EVI5: variants seen among roughly 807,000 people sequenced by gnomAD.
The protein encoded by EVI5 is ecotropic viral integration site 5.
Under a neutral mutation model 112.0 loss-of-function variants are expected in EVI5, and 73 were observed. That is an observed-to-expected ratio of 0.65 (90% CI 0.54 to 0.79). The LOEUF is 0.79. Ranked by LOEUF, EVI5 falls within the 30% of genes least tolerant of loss-of-function variation. The pLI, the probability that EVI5 is intolerant of heterozygous loss-of-function variation, is 0.00. For synonymous variants in EVI5, 305 were observed against 319.9 expected (o/e 0.95, Z 0.50); for missense variants, 900 against 968.8 (o/e 0.93, Z 0.94).
At chr1:92,621,853 T>C (rs768381475) in intron 16 of EVI5, among the ~76,000 whole-genome samples, 1 of 152,174 alleles carries the variant, frequency 6.6e-6, no homozygotes, top group Non-Finnish European at 1.5e-5. Context: ...CAGGGCACGG[T>C]GGCTCACGCC....
chr1:92,535,442 T>C (rs527864498), intron 19 of EVI5, among the ~76,000 whole-genome samples: 4 of 152,110 alleles, frequency 2.6e-5, no homozygotes, highest in Non-Finnish European at 5.9e-5. Context: ...CATTCTACTA[T>C]AAAGACACAT....
chr1:92,588,448 C>T (rs942588715), intron 18 of EVI5, among the ~76,000 whole-genome samples: 2 of 152,172 alleles, frequency 1.3e-5, no homozygotes, highest in Non-Finnish European at 2.9e-5. Flanking sequence ...ATCTTCATGC[C>T]TCATCTGATT....
At chr1:92,705,718 A>T (rs1570473708) in intron 2 of EVI5, among the ~76,000 whole-genome samples, 1 of 152,234 alleles carries the variant, frequency 6.6e-6, no homozygotes, top group African/African-American at 2.4e-5. Context: ...AAGGTGGAAA[A>T]CGTAGCTCTA....
intron 19 of EVI5, among the ~76,000 whole-genome samples, chr1:92,537,563 T>G (rs1004639019): frequency 9.9e-5 from 15 of 152,118 alleles, no homozygotes; most frequent in Non-Finnish European, 2.2e-4. Context: ...AAATCTAAAA[T>G]AAATGTAATG....
intron 19 of EVI5, among the ~76,000 whole-genome samples, chr1:92,524,372 ACTTCCATTTTCACAC>A (rs1169944909): frequency 6.6e-6 from 1 of 152,222 alleles, no homozygotes; most frequent in Non-Finnish European, 1.5e-5. Context: ...TTAATTTATC[ACTTCCATTTTCACAC>A]TGTCCACTGT....
At chr1:92,720,558 G>T (rs898452997) in intron 2 of EVI5, among the ~76,000 whole-genome samples, 14 of 151,918 alleles carry the variant, frequency 9.2e-5, no homozygotes, top group African/African-American at 3.4e-4. Flanking sequence ...TGTTAGACCT[G>T]AACCATAAAA....
At chr1:92,597,668 T>A (rs1210919685) in intron 18 of EVI5, among the ~76,000 whole-genome samples, 1 of 152,206 alleles carries the variant, frequency 6.6e-6, no homozygotes, top group Non-Finnish European at 1.5e-5. Flanking sequence ...ATGAATGAAT[T>A]ATTGTCAAAA....
At chr1:92,533,165 C>T (rs1663200031) in intron 19 of EVI5, among the ~76,000 whole-genome samples, 1 of 152,150 alleles carries the variant, frequency 6.6e-6, no homozygotes, top group African/African-American at 2.4e-5. Context: ...ATAAACACCT[C>T]TATGCAAATA....
At chr1:92,678,637 T>C (rs540264158) in intron 9 of EVI5, among the ~76,000 whole-genome samples, 4 of 152,278 alleles carry the variant, frequency 2.6e-5, no homozygotes, top group Non-Finnish European at 5.9e-5. Context: ...TGCAACTCTA[T>C]GGTAAGTCTA....
intron 10 of EVI5, among the ~76,000 whole-genome samples, chr1:92,668,480 G>T (rs1665301944): frequency 6.6e-6 from 1 of 152,102 alleles, no homozygotes; most frequent in African/African-American, 2.4e-5. Flanking sequence ...AAAAGATTTA[G>T]AAAACTAAGT....
intron 16 of EVI5, among the ~76,000 whole-genome samples, chr1:92,613,692 G>C (rs903829553): frequency 6.6e-6 from 1 of 152,092 alleles, no homozygotes; most frequent in Non-Finnish European, 1.5e-5. Context: ...GGGCTCAAGC[G>C]ATCCTCCCAC....
intron 10 of EVI5, among the ~76,000 whole-genome samples, chr1:92,667,968 G>A (rs187852489): frequency 6.6e-6 from 1 of 152,134 alleles, no homozygotes; most frequent in Non-Finnish European, 1.5e-5. Flanking sequence ...TCAATCAAGG[G>A]CCTTCTTCCA....
intron 19 of EVI5, among the ~76,000 whole-genome samples, chr1:92,557,458 A>ATTATTTAT (rs918294767): frequency 6.6e-6 from 1 of 150,532 alleles, no homozygotes; most frequent in Non-Finnish European, 1.5e-5. Flanking sequence ...TAATTTTTGT[A>ATTATTTAT]TTATTTATTT....
At chr1:92,616,900 A>G (rs1653313994) in intron 16 of EVI5, among the ~76,000 whole-genome samples, 3 of 152,150 alleles carry the variant, frequency 2.0e-5, no homozygotes, top group African/African-American at 4.8e-5. Flanking sequence ...TCCATCATCA[A>G]ATGGAAGTGG....
Position 92,693,700 on chromosome 1 carries a change from C to G in EVI5, c.1097+102G>C, listed in dbSNP as rs1199164582. ...TTATGCTATATTGAAACCAATACCA[C>G]CGAAGAAAATAATATAGTTCTATAA... On this transcript the variant is annotated intron_variant, in intron 9 of 19. Coordinates refer to ENST00000684568, the MANE Select transcript of EVI5 (RefSeq NM_001350197.2). 3 of 666,762 alleles carry G rather than the reference C, an allele frequency of 4.5e-6. No homozygotes were observed. The African/African-American group carries it at 5.4e-5, about 12-fold the overall frequency. The allele number at this position is 666,762 out of a possible 1,614,324, so 41.3% of individuals were successfully genotyped here.
chr1:92,764,117 T>C (rs139076926), intron 1 of EVI5, among the ~76,000 whole-genome samples: 1 of 152,222 alleles, frequency 6.6e-6, no homozygotes, highest in Non-Finnish European at 1.5e-5. Context: ...TAGCTGCAAA[T>C]ACATATTTAT....
intron 1 of EVI5, among the ~76,000 whole-genome samples, chr1:92,771,124 G>C (rs770544615): frequency 6.6e-6 from 1 of 151,960 alleles, no homozygotes; most frequent in African/African-American, 2.4e-5. Context: ...CGAGAAGTCT[G>C]TATTTTTACT....
chr1:92,751,767 C>T (rs1341044966), intron 1 of EVI5, among the ~76,000 whole-genome samples: 1 of 152,182 alleles, frequency 6.6e-6, no homozygotes, highest in Middle Eastern at 3.2e-3. Flanking sequence ...AATCTCAGCA[C>T]TTTGGGAAGC....
At chr1:92,760,860 T>C (rs1323070056) in intron 1 of EVI5, among the ~76,000 whole-genome samples, 3 of 151,028 alleles carry the variant, frequency 2.0e-5, no homozygotes, top group Non-Finnish European at 4.4e-5. Context: ...ATCGAGACCA[T>C]CCTGGCTAAT....
Sources: gnomAD v4.1 joint callset for allele counts (sites outside exome capture counted in the v4.1 genomes callset) on GRCh38, gnomAD v4.1.1 for gene constraint, MANE v1.5 for transcripts, NCBI Gene and HGNC (gene_info 2026-07-23, HGNC 2026-07-21) for gene names.